Variants in MYRIP observed in about 807,000 individuals in gnomAD.
MYRIP encodes the protein myosin VIIA and Rab interacting protein.
Under a neutral mutation model 98.0 loss-of-function variants are expected in MYRIP, and 49 were observed. That is an observed-to-expected ratio of 0.50 (90% CI 0.40 to 0.63). MYRIP has a LOEUF of 0.63. Among genes scored for constraint, MYRIP ranks in the 30% least tolerant of loss-of-function variants. The pLI is 0.00. For synonymous variants in MYRIP, 404 were observed against 409.5 expected, an observed-to-expected ratio of 0.99 and a Z score of 0.16; for missense variants, 1,004 against 1,058.2, an observed-to-expected ratio of 0.95 and a Z score of 0.71.
chr3:40,217,295 A>AT (rs1178508323), intron 11 of MYRIP, among the ~76,000 whole-genome samples: 2 of 152,304 alleles, frequency 1.3e-5, no homozygotes, highest in African/African-American at 4.8e-5. Flanking sequence ...AAATTTACAA[A>AT]TTAATTCATG....
chr3:39,972,298 G>A (rs1201621408), intron 2 of MYRIP, among the ~76,000 whole-genome samples: 4 of 151,918 alleles, frequency 2.6e-5, no homozygotes, highest in Admixed American at 1.3e-4. Context: ...TTCTTATTCA[G>A]AGTGCACTGA....
chr3:40,043,568 A>G (rs995808891), intron 2 of MYRIP, among the ~76,000 whole-genome samples: 40 of 152,134 alleles, frequency 2.6e-4, no homozygotes, highest in African/African-American at 9.2e-4. Context: ...TAACTCATAT[A>G]GATTTGAAAG....
chr3:39,824,261 A>G (rs926825807), intron 1 of MYRIP, among the ~76,000 whole-genome samples: 1 of 152,180 alleles, frequency 6.6e-6, no homozygotes, highest in South Asian at 2.1e-4. Flanking sequence ...ACAGCTTTGC[A>G]GTATATTTTT....
At chr3:39,812,552 G>A (rs994715187) in intron 1 of MYRIP, among the ~76,000 whole-genome samples, 1 of 152,092 alleles carries the variant, frequency 6.6e-6, no homozygotes, top group Non-Finnish European at 1.5e-5. Flanking sequence ...CTTTTTCATA[G>A]GGTGAATTAA....
chr3:39,945,788 C>G (rs1053626096), intron 2 of MYRIP, among the ~76,000 whole-genome samples: 2 of 152,006 alleles, frequency 1.3e-5, no homozygotes, highest in Non-Finnish European at 2.9e-5. Flanking sequence ...ATGTTAAATA[C>G]TTGTTCTTAT....
intron 2 of MYRIP, among the ~76,000 whole-genome samples, chr3:40,039,046 T>G (rs1947447510): frequency 6.6e-6 from 1 of 152,166 alleles, no homozygotes; most frequent in Non-Finnish European, 1.5e-5. Context: ...AACTGCAGCA[T>G]GCCCACATGA....
chr3:40,076,610 A>T (rs1403191065), intron 3 of MYRIP, among the ~76,000 whole-genome samples: 1 of 152,212 alleles, frequency 6.6e-6, no homozygotes, highest in African/African-American at 2.4e-5. Context: ...ATGGAGGAGG[A>T]CCACCTTCTG....
In MYRIP at chr3:40,065,883, A is replaced by T. The variant is rs192716149; in HGVS notation, c.332+21612A>T. Among the ~76,000 whole-genome samples, 14 of 152,220 alleles carry T rather than the reference A, an allele frequency of 9.2e-5. No homozygotes were observed. In the East Asian group the frequency reaches 1.9e-3, roughly 21 times the overall value. ...CTGGCACACTGTAGATGCTTAGCAA[A>T]TGTGGAGTTGAAGTCTCAGAGCCTG... On this transcript the variant is annotated intron_variant, in intron 3 of 16. Coordinates refer to ENST00000302541, the MANE Select transcript of MYRIP (RefSeq NM_015460.4).
chr3:40,123,686 G>T (rs1443742672), intron 3 of MYRIP, among the ~76,000 whole-genome samples: 1 of 152,186 alleles, frequency 6.6e-6, no homozygotes, highest in Non-Finnish European at 1.5e-5. Context: ...ATCCCTCAAG[G>T]CTCAGCAAAG....
At chr3:39,885,340 C>T (rs1943264481) in intron 1 of MYRIP, among the ~76,000 whole-genome samples, 1 of 152,082 alleles carries the variant, frequency 6.6e-6, no homozygotes, top group Non-Finnish European at 1.5e-5. Flanking sequence ...TCTCTTCTGG[C>T]TTGTAGAGTT....
Position 39,900,796 on chromosome 3 carries a change from C to T in MYRIP, c.-21C>T. ...CATTTTGGTTTCCCAGGTCTTGTTT[C>T]ATCATCTGTGTTGAGTAACCATGGG... is the stretch of plus-strand genomic sequence containing the variant. On this transcript the variant is annotated 5_prime_UTR_variant, in exon 2 of 17. Coordinates refer to ENST00000302541, the MANE Select transcript of MYRIP (RefSeq NM_015460.4). 1 of 1,586,492 alleles carries T rather than the reference C, an allele frequency of 6.3e-7. No individual in the cohort carries two copies. Among genetic ancestry groups the T allele is most frequent in the Non-Finnish European group, 8.6e-7 (1 of 1,160,226 alleles).
At chr3:40,055,930 A>C (rs1353556425) in intron 3 of MYRIP, among the ~76,000 whole-genome samples, 3 of 152,208 alleles carry the variant, frequency 2.0e-5, no homozygotes, top group Non-Finnish European at 4.4e-5. Context: ...AAATGACTAA[A>C]TCCATGCCAT....
rs144138809 is a variant in MYRIP, at chr3:40,237,548, G to T, written c.2100+3495G>T. ...ACAGGGTTTACCACCTTTTATTTCT[G>T]TAGCCTAGCCCCAGTCCACCACCCA... is the stretch of plus-strand genomic sequence containing the variant. On this transcript the variant is annotated intron_variant, in intron 12 of 16. Transcript: ENST00000302541. Among the ~76,000 whole-genome samples, 1,056 of 152,264 alleles carry T rather than the reference G, an allele frequency of 6.9e-3. 10 individuals carry two copies. Among genetic ancestry groups the T allele is most frequent in the African/African-American group, 0.023 (955 of 41,548 alleles).
chr3:40,037,733 A>G (rs1158436129), intron 2 of MYRIP, among the ~76,000 whole-genome samples: 1 of 152,062 alleles, frequency 6.6e-6, no homozygotes, highest in Non-Finnish European at 1.5e-5. Flanking sequence ...CCCTCTTTTC[A>G]CATGTGAAAT....
At chr3:40,237,415 T>C (rs2125704471) in intron 12 of MYRIP, among the ~76,000 whole-genome samples, 1 of 152,302 alleles carries the variant, frequency 6.6e-6, no homozygotes. Flanking sequence ...AGCAGCACCC[T>C]CCCAGTGTGA....
intron 2 of MYRIP, among the ~76,000 whole-genome samples, chr3:40,039,857 C>A (rs559338409): frequency 2.0e-5 from 3 of 151,986 alleles, no homozygotes; most frequent in Non-Finnish European, 4.4e-5. Context: ...ACAATCAAGG[C>A]GCTGGAAGGG....
intron 1 of MYRIP, among the ~76,000 whole-genome samples, chr3:39,839,135 A>G (rs1219421391): frequency 2.0e-5 from 3 of 152,020 alleles, no homozygotes. Context: ...TCAAAAAGCC[A>G]GCTCCTGGAT....
intron 10 of MYRIP, among the ~76,000 whole-genome samples, chr3:40,201,913 CAAG>C (rs1951574485): frequency 6.6e-6 from 1 of 152,122 alleles, no homozygotes; most frequent in South Asian, 2.1e-4. Context: ...AGAAACGTTC[CAAG>C]TCCTCTGGGA....
chr3:39,875,275 T>A lies in MYRIP; in HGVS notation c.-30-25512T>A, dbSNP rs1326355231. Among the ~76,000 whole-genome samples, 5 of 152,202 alleles carry A rather than the reference T, an allele frequency of 3.3e-5. No individual in the cohort carries two copies. In the East Asian group the frequency reaches 5.8e-4, roughly 18 times the overall value. Reference sequence around the variant, plus strand: ...GCTAGTGGTCTATCAATTTTGTTGATCCTTTCAAAAAAGCAGCTCCTGGAT... The same window carrying A: ...GCTAGTGGTCTATCAATTTTGTTGAACCTTTCAAAAAAGCAGCTCCTGGAT... On this transcript the variant is annotated intron_variant, in intron 1 of 16. Transcript: ENST00000302541.
Sources: gnomAD v4.1 joint callset for allele counts (sites outside exome capture counted in the v4.1 genomes callset) on GRCh38, gnomAD v4.1.1 for gene constraint, MANE v1.5 for transcripts, NCBI Gene and HGNC (gene_info 2026-07-23, HGNC 2026-07-21) for gene names.